Variants in TMEM255B observed in about 807,000 individuals in gnomAD.
The protein encoded by TMEM255B is family with sequence similarity 70, member B.
Under a neutral mutation model 34.5 loss-of-function variants are expected in TMEM255B, and 35 were observed. The observed-to-expected ratio is 1.01, with a 90% confidence interval of 0.77 to 1.34. The LOEUF (loss-of-function observed/expected upper bound fraction) is 1.34. Among genes scored for constraint, TMEM255B ranks in the 40% most tolerant of loss-of-function variants. TMEM255B has a pLI of 0.00. For missense variants in TMEM255B, 432 were observed against 433.2 expected, an observed-to-expected ratio of 1.00 and a Z score of 0.02; for synonymous variants, 206 against 201.2, an observed-to-expected ratio of 1.02 and a Z score of -0.20.
At chr13:113,773,472 A>T (rs1229178725) in intron 3 of TMEM255B, among the ~76,000 whole-genome samples, 1 of 152,218 alleles carries the variant, frequency 6.6e-6, no homozygotes, top group Non-Finnish European at 1.5e-5. Context: ...ATGACAGGAT[A>T]AAGACCCAAG....
intron 4 of TMEM255B, among the ~76,000 whole-genome samples, chr13:113,796,199 A>T (rs953492641): frequency 3.4e-4 from 51 of 148,734 alleles, no homozygotes; most frequent in Non-Finnish European, 6.5e-4. Context: ...AGCACACAGC[A>T]CACAACACAC....
At chr13:113,784,826 G>C (rs748230469) in intron 3 of TMEM255B, among the ~76,000 whole-genome samples, 1 of 151,388 alleles carries the variant, frequency 6.6e-6, no homozygotes, top group Non-Finnish European at 1.5e-5. Context: ...CACTGCCCAC[G>C]GCTTCCTGGG....
rs2051366568 is a variant in TMEM255B, at chr13:113,813,449, C to A, written c.*1546C>A. 1 of 152,312 alleles carries A rather than the reference C, an allele frequency of 6.6e-6. No individual in the cohort carries two copies. The highest frequency in any genetic ancestry group is 2.4e-5 in the African/African-American group (1 of 41,472). The allele number at this position is 152,312 out of a possible 1,614,324, so 9.4% of individuals were successfully genotyped here. ...TGGGAGGTGGAGCGGGGACTTTCTC[C>A]CCTGCCCAGTCCTGGATCTGGGAGA... On this transcript the variant is annotated 3_prime_UTR_variant, in exon 9 of 9. Coordinates refer to ENST00000375353, the MANE Select transcript of TMEM255B (RefSeq NM_182614.4).
Position 113,811,787 on chromosome 13 carries a change from G to T in TMEM255B, c.865G>T (p.Asp289Tyr). The T allele has an allele frequency of 6.2e-7, 1 of 1,613,888 alleles. No individual in the cohort carries two copies. Among genetic ancestry groups the T allele is most frequent in the Non-Finnish European group, 8.5e-7 (1 of 1,179,882 alleles). ...APSSALASSEDLQPPSPSSSG... is the reference protein window; with the variant it reads ...APSSALASSEYLQPPSPSSSG... ...CTCCTCTGCCCTGGCTTCGTCTGAGGACCTGCAGCCCCCTTCTCCAAGCAG... is the reference window on the plus strand; with the variant it reads ...CTCCTCTGCCCTGGCTTCGTCTGAGTACCTGCAGCCCCCTTCTCCAAGCAG... The change falls in exon 9 of 9, where the codon GAC (aspartate) becomes TAC (tyrosine). Residue 289 changes from aspartate (D) to tyrosine (Y), a missense_variant. Transcript: ENST00000375353.
rs1270680002 is a variant in TMEM255B, at chr13:113,814,188, GGT to G, written c.*2288_*2289del. The stretch of plus-strand genomic sequence containing the variant: ...CCTGGTGCAGGCACCAGCACCTCTT[GGT>G]GTCCTAGGGGTGCGAACAGCAGAGA... On this transcript the variant is annotated 3_prime_UTR_variant, in exon 9 of 9. Transcript: ENST00000375353. 1 of 152,168 alleles carries G rather than the reference GGT, an allele frequency of 6.6e-6. No individual in the cohort carries two copies. The highest frequency in any genetic ancestry group is 1.5e-5 in the Non-Finnish European group (1 of 68,040). The allele number at this position is 152,168 out of a possible 1,614,324, so 9.4% of individuals were successfully genotyped here.
In TMEM255B at chr13:113,802,621, G is replaced by A. The variant is rs1216481421; in HGVS notation, c.669+809G>A. On this transcript the variant is annotated intron_variant, in intron 7 of 8. Transcript: ENST00000375353. ...GAGGCAGCGAAAACACTCCTGAGCG[G>A]CTTCTCCATGCCCTATTCGTCCCAG... is the stretch of plus-strand genomic sequence containing the variant. Among the ~76,000 whole-genome samples the A allele has an allele frequency of 2.1e-5, 3 of 140,144 alleles. 1 individual carries two copies. Among genetic ancestry groups the A allele is most frequent in the Admixed American group, 7.1e-5 (1 of 14,064 alleles). The allele number at this position is 140,144 out of a possible 152,430, so 91.9% of individuals were successfully genotyped here. A position where few individuals can be genotyped will look rare whatever the true frequency, so the allele number is the denominator to read the frequency against.
At chr13:113,800,131 TA>T (rs2051018554) in intron 5 of TMEM255B, 3 of 957,532 alleles carry the variant, frequency 3.1e-6, no homozygotes, top group African/African-American at 4.1e-5. Context: ...CGTGTGTGTT[TA>T]GGGGGGAGGT....
rs1246911134 is a variant in TMEM255B, at chr13:113,814,982, C to G, written c.*3079C>G. On this transcript the variant is annotated 3_prime_UTR_variant, in exon 9 of 9. Coordinates refer to ENST00000375353, the MANE Select transcript of TMEM255B (RefSeq NM_182614.4). ...GGACAGCACAGGAGACAGGCTTCTCCTGCAGCTCAGAGGTGGGGGCCTAGT... is the reference window on the plus strand; with the variant it reads ...GGACAGCACAGGAGACAGGCTTCTCGTGCAGCTCAGAGGTGGGGGCCTAGT... 1 of 151,954 alleles carries G rather than the reference C, an allele frequency of 6.6e-6. No homozygotes were observed. Among genetic ancestry groups the G allele is most frequent in the Non-Finnish European group, 1.5e-5 (1 of 68,024 alleles). 9.4% of individuals were successfully genotyped at this position (151,954 alleles called of 1,614,324 possible).
At chr13:113,811,349 T>TGAGAGTGGTCCTGGGTCTGTG (rs2051300711) in intron 8 of TMEM255B, among the ~76,000 whole-genome samples, 3 of 14,064 alleles carry the variant, frequency 2.1e-4, no homozygotes, top group Non-Finnish European at 3.9e-4. Flanking sequence ...GTCTGTGGGG[T>TGAGAGTGGTCCTGGGTCTGTG]GGGGGCCGGT....
chr13:113,772,720 T>G (rs190664616), intron 3 of TMEM255B, among the ~76,000 whole-genome samples: 1 of 152,230 alleles, frequency 6.6e-6, no homozygotes, highest in Non-Finnish European at 1.5e-5. Flanking sequence ...TGGCCATACA[T>G]ATATGGTTTA....
intron 3 of TMEM255B, among the ~76,000 whole-genome samples, chr13:113,790,483 C>G (rs1400568918): frequency 1.1e-5 from 1 of 89,056 alleles, no homozygotes; most frequent in African/African-American, 4.3e-5. Context: ...GACATCCTAG[C>G]ACTGAACTGA....
At position 113,812,902 on chromosome 13, in the gene TMEM255B, G is replaced by A. The variant is rs1168409922; in HGVS notation, c.*999G>A. 1 of 155,874 alleles carries A rather than the reference G, an allele frequency of 6.4e-6. No homozygotes were observed. Among genetic ancestry groups the A allele is most frequent in the Middle Eastern group, 3.3e-3 (1 of 304 alleles). The allele number at this position is 155,874 out of a possible 1,614,324, so 9.7% of individuals were successfully genotyped here. A position where few individuals can be genotyped will look rare whatever the true frequency, so the allele number is the denominator to read the frequency against. ...CGAGTGGGTCACAGGCCCCGGGTGA[G>A]TCACAGGCCCCGGGTGAGTCACGGG... On this transcript the variant is annotated 3_prime_UTR_variant, in exon 9 of 9. Coordinates refer to ENST00000375353, the MANE Select transcript of TMEM255B (RefSeq NM_182614.4).
intron 8 of TMEM255B, among the ~76,000 whole-genome samples, chr13:113,808,898 ATGGTTCCTGGGGGTTTACTCTG>A (rs2051243360): frequency 2.4e-5 from 2 of 82,868 alleles, no homozygotes; most frequent in Middle Eastern, 0.016. Context: ...GGTTTGCTCC[ATGGTTCCTGGGGGTTTACTCTG>A]TGGTTCTTGG....
chr13:113,804,628 G>GAGAGTC (rs1566330821), intron 7 of TMEM255B, among the ~76,000 whole-genome samples: 2 of 144,968 alleles, frequency 1.4e-5, no homozygotes, highest in Non-Finnish European at 3.1e-5. Flanking sequence ...GCTCCAGCCT[G>GAGAGTC]GGTATAAACG....
chr13:113,792,702 G>T (rs1038752546), intron 3 of TMEM255B, among the ~76,000 whole-genome samples: 2 of 152,192 alleles, frequency 1.3e-5, no homozygotes, highest in Admixed American at 6.5e-5. Context: ...TTAGTCAGTC[G>T]AACCAGAGCA....
intron 4 of TMEM255B, among the ~76,000 whole-genome samples, chr13:113,796,098 CCACACAACACACAGAGCACACAG>C (rs1196733711): frequency 9.7e-5 from 14 of 143,964 alleles, no homozygotes; most frequent in East Asian, 2.1e-4. Context: ...ACAGCACACA[CCACACAACACACAGAGCACACAG>C]CACACAACAC....
chr13:113,774,102 T>C (rs1412024259), intron 3 of TMEM255B, among the ~76,000 whole-genome samples: 1 of 138,436 alleles, frequency 7.2e-6, no homozygotes, highest in East Asian at 2.4e-4. Context: ...CCCAACTCCA[T>C]CACTTGTCCT....
At chr13:113,804,290 T>G (rs1023504193) in intron 7 of TMEM255B, among the ~76,000 whole-genome samples, 1 of 152,326 alleles carries the variant, frequency 6.6e-6, no homozygotes, top group East Asian at 1.9e-4. Context: ...ACTTTGGTTT[T>G]GTTCGCATTC....
chr13:113,801,237 G>C (rs1169314761), intron 6 of TMEM255B, among the ~76,000 whole-genome samples: 2 of 152,240 alleles, frequency 1.3e-5, no homozygotes, highest in African/African-American at 2.4e-5. Context: ...AGAGGACACA[G>C]CCCGTGTGTG....
Sources: gnomAD v4.1 joint callset for allele counts (sites outside exome capture counted in the v4.1 genomes callset) on GRCh38, gnomAD v4.1.1 for gene constraint, MANE v1.5 for transcripts, NCBI Gene and HGNC (gene_info 2026-07-23, HGNC 2026-07-21) for gene names.